Variants in CRTAM observed in about 807,000 individuals in gnomAD.
The protein encoded by CRTAM is cytotoxic and regulatory T-cell molecule.
A neutral mutation model predicts 50.0 loss-of-function variants in CRTAM; 44 were observed. The ratio of observed to expected loss-of-function variants is 0.88; its 90% CI spans 0.69 to 1.13. CRTAM has a LOEUF of 1.13. Ranked by LOEUF, CRTAM falls within the 50% of genes most tolerant of loss-of-function variation. The pLI is 0.00. For synonymous variants in CRTAM, 159 were observed against 169.3 expected, an observed-to-expected ratio of 0.94 and a Z score of 0.47; for missense variants, 448 against 457.5, an observed-to-expected ratio of 0.98 and a Z score of 0.19.
At chr11:122,841,020 G>C (rs1861791131) in intron 1 of CRTAM, among the ~76,000 whole-genome samples, 1 of 152,042 alleles carries the variant, frequency 6.6e-6, no homozygotes, top group African/African-American at 2.4e-5. Flanking sequence ...GAAAACAAAG[G>C]AAAATTGCAA....
At chr11:122,853,479 A>G (rs548533599) in intron 3 of CRTAM, among the ~76,000 whole-genome samples, 1 of 152,160 alleles carries the variant, frequency 6.6e-6, no homozygotes, top group Non-Finnish European at 1.5e-5. Flanking sequence ...GTAGCTTTGC[A>G]AGCACATGAA....
intron 1 of CRTAM, among the ~76,000 whole-genome samples, chr11:122,845,021 G>T (rs974764782): frequency 2.6e-5 from 4 of 152,178 alleles, no homozygotes; most frequent in African/African-American, 9.7e-5. Flanking sequence ...AGGTGATGAG[G>T]CCAGATGAGA....
chr11:122,838,559 G>A lies in CRTAM; in HGVS notation c.13G>A (p.Val5Ile), dbSNP rs1402858296. 6.2e-7 allele frequency: 1 copy of A among 1,614,208 alleles called. No homozygotes were observed. The highest frequency in any genetic ancestry group is 8.5e-7 in the Non-Finnish European group (1 of 1,180,018). Residue 5 changes from valine (V) to isoleucine (I), a missense_variant, in exon 1 of 10, where the codon GTT becomes ATT. By Grantham distance (29) the Val-to-Ile change is conservative. Coordinates refer to ENST00000227348, the MANE Select transcript of CRTAM (RefSeq NM_019604.4). MWWRVLSLLAWFPLQ... is the reference protein window; with the variant it reads MWWRILSLLAWFPLQ... ...AGCACAGCACAGTATGTGGTGGAGA[G>A]TTCTCAGCTTGCTGGCATGGTTCCC...
intron 9 of CRTAM, among the ~76,000 whole-genome samples, chr11:122,869,415 A>G (rs1161350553): frequency 1.3e-5 from 2 of 152,256 alleles, no homozygotes; most frequent in African/African-American, 4.8e-5. Flanking sequence ...AATTAATTCA[A>G]GAAGGCATGT....
intron 6 of CRTAM, among the ~76,000 whole-genome samples, chr11:122,863,082 A>G (rs1006711215): frequency 6.6e-6 from 1 of 152,190 alleles, no homozygotes; most frequent in Admixed American, 6.5e-5. Flanking sequence ...ATACAGAATA[A>G]TTTAGAAAGC....
chr11:122,849,706 G>C (rs1030956217), intron 1 of CRTAM, among the ~76,000 whole-genome samples: 3 of 151,994 alleles, frequency 2.0e-5, no homozygotes, highest in African/African-American at 7.3e-5. Flanking sequence ...TGGGCAACCA[G>C]AGTGAGACTT....
chr11:122,840,648 A>C (rs1347284965), intron 1 of CRTAM, among the ~76,000 whole-genome samples: 1 of 152,162 alleles, frequency 6.6e-6, no homozygotes, highest in Non-Finnish European at 1.5e-5. Flanking sequence ...AATTAGGAGG[A>C]GGTGACCATG....
chr11:122,858,081 T>A (rs1320138638), intron 5 of CRTAM, among the ~76,000 whole-genome samples: 1 of 152,030 alleles, frequency 6.6e-6, no homozygotes, highest in African/African-American at 2.4e-5. Context: ...TCTGGCTAAT[T>A]TTTAAATTTT....
intron 3 of CRTAM, among the ~76,000 whole-genome samples, chr11:122,852,973 A>G (rs564296567): frequency 1.2e-4 from 18 of 152,308 alleles, no homozygotes; most frequent in Admixed American, 3.9e-4. Context: ...GTGGAAGTAG[A>G]ATGGGAAACA....
intron 5 of CRTAM, among the ~76,000 whole-genome samples, chr11:122,857,386 T>C (rs1862020910): frequency 6.6e-6 from 1 of 152,210 alleles, no homozygotes; most frequent in South Asian, 2.1e-4. Context: ...CAAGAATCGC[T>C]TGAACCCGAG....
rs1270172285 is a variant in CRTAM at position 122,850,038 on chromosome 11, C to CTGA, written c.47-28_47-26dup. 6 of 1,563,760 alleles carry CTGA rather than the reference C, an allele frequency of 3.8e-6. No homozygotes were observed. The African/African-American group carries it at 8.2e-5, about 21-fold the overall frequency. ...CCCTGAGACACTGTGGACCCCCGGC[C>CTGA]TGATCATCCCCATTTCTCTTCCTCC... On this transcript the variant is annotated intron_variant, in intron 1 of 9. Coordinates refer to ENST00000227348, the MANE Select transcript of CRTAM (RefSeq NM_019604.4).
intron 4 of CRTAM, among the ~76,000 whole-genome samples, 189 bp downstream of exon 4, chr11:122,854,275 A>G (rs949943039): frequency 2.0e-5 from 3 of 152,258 alleles, no homozygotes; most frequent in Non-Finnish European, 4.4e-5. Context: ...GGCTAATCAT[A>G]GATATTGAAA....
At chr11:122,839,070 A>T (rs932440214) in intron 1 of CRTAM, among the ~76,000 whole-genome samples, 1 of 152,110 alleles carries the variant, frequency 6.6e-6, no homozygotes, top group African/African-American at 2.4e-5. Context: ...CTGGGACTAC[A>T]GGTGCCCGCC....
At chr11:122,869,901 T>C (rs1212375509) in intron 9 of CRTAM, among the ~76,000 whole-genome samples, 1 of 152,152 alleles carries the variant, frequency 6.6e-6, no homozygotes, top group East Asian at 1.9e-4. Flanking sequence ...CACCTGTTTC[T>C]AAATACCCGT....
At chr11:122,865,280 C>T (rs750186468) in intron 7 of CRTAM, among the ~76,000 whole-genome samples, 16 of 152,214 alleles carry the variant, frequency 1.1e-4, no homozygotes, top group Non-Finnish European at 2.2e-4. Flanking sequence ...GGTGATCTGC[C>T]TGCCTCGGCC....
chr11:122,862,183 A>C (rs956100573), intron 5 of CRTAM: 2 of 425,714 alleles, frequency 4.7e-6, no homozygotes, highest in Non-Finnish European at 8.4e-6. Context: ...TGATGGATAG[A>C]AGGACACAGA....
At chr11:122,860,097 G>T (rs1862052961) in intron 5 of CRTAM, among the ~76,000 whole-genome samples, 1 of 152,120 alleles carries the variant, frequency 6.6e-6, no homozygotes, top group Non-Finnish European at 1.5e-5. Context: ...GTTCAGACTG[G>T]AGTGCAATGG....
At chr11:122,865,540 C>T (rs1565293551) in intron 7 of CRTAM, among the ~76,000 whole-genome samples, 2 of 152,148 alleles carry the variant, frequency 1.3e-5, no homozygotes, top group Admixed American at 6.5e-5. Flanking sequence ...CCTACCTCCA[C>T]CTCCCAAATA....
chr11:122,838,634 A>G (rs188001550), intron 1 of CRTAM, 42 bp downstream of exon 1: 51 of 1,596,344 alleles, frequency 3.2e-5, no homozygotes, highest in East Asian at 3.1e-4. Flanking sequence ...CAGCTGACTT[A>G]ATGTTTTGCC....
Sources: gnomAD v4.1 joint callset for allele counts (sites outside exome capture counted in the v4.1 genomes callset) on GRCh38, gnomAD v4.1.1 for gene constraint, MANE v1.5 for transcripts, NCBI Gene and HGNC (gene_info 2026-07-23, HGNC 2026-07-21) for gene names.